Variants in SVEP1 observed in about 807,000 individuals in gnomAD.
SVEP1 encodes sushi, von Willebrand factor type A, EGF and pentraxin domain containing 1.
Under a neutral mutation model 367.3 loss-of-function variants are expected in SVEP1, and 164 were observed. That is an observed-to-expected ratio of 0.45 (90% CI 0.39 to 0.51). The LOEUF (loss-of-function observed/expected upper bound fraction) is 0.51. Ranked by LOEUF, SVEP1 falls within the 20% of genes least tolerant of loss-of-function variation. The pLI is 0.00. For synonymous variants in SVEP1, 1,666 were observed against 1,611.6 expected, an observed-to-expected ratio of 1.03 and a Z score of -0.81; for missense variants, 4,117 against 4,425.3, an observed-to-expected ratio of 0.93 and a Z score of 1.98.
At chr9:110,468,300 T>C (rs1021288799) in intron 17 of SVEP1, among the ~76,000 whole-genome samples, 5 of 152,192 alleles carry the variant, frequency 3.3e-5, no homozygotes, top group African/African-American at 1.2e-4. Context: ...ATAAATAAAA[T>C]TGCTTTCTGT....
chr9:110,519,672 C>G (rs1829853474), intron 3 of SVEP1, among the ~76,000 whole-genome samples: 1 of 152,166 alleles, frequency 6.6e-6, no homozygotes, highest in East Asian at 1.9e-4. Context: ...AGCTGGCAGT[C>G]ACTCAATCAA....
intron 40 of SVEP1, among the ~76,000 whole-genome samples, chr9:110,389,978 T>TATATGAATCA (rs1554710662): frequency 6.8e-6 from 1 of 147,092 alleles, no homozygotes; most frequent in East Asian, 2.0e-4. Context: ...AGAGTACTAT[T>TATATGAATCA]TGGCCATAAA....
chr9:110,476,393 C>A, intron 13 of SVEP1, 78 bp from the exon 14 acceptor site: 1 of 1,051,778 alleles, frequency 9.5e-7, no homozygotes, highest in African/African-American at 1.6e-5. Flanking sequence ...CTCCCCTGGC[C>A]TTCACGTCTC....
intron 31 of SVEP1, among the ~76,000 whole-genome samples, 177 bp downstream of exon 31, chr9:110,432,285 T>C (rs1205325528): frequency 6.6e-6 from 1 of 152,106 alleles, no homozygotes; most frequent in Non-Finnish European, 1.5e-5. Flanking sequence ...CTGATAAAAA[T>C]TTAAAACATT....
At chr9:110,416,662 A>G (rs1828125575) in intron 36 of SVEP1, among the ~76,000 whole-genome samples, 1 of 152,102 alleles carries the variant, frequency 6.6e-6, no homozygotes, top group Non-Finnish European at 1.5e-5. Flanking sequence ...TAAGAAGTAC[A>G]ATGAGTCCCA....
intron 4 of SVEP1, 27 bp downstream of exon 4, chr9:110,513,921 C>G (rs1277881802): frequency 1.9e-6 from 3 of 1,595,472 alleles, no homozygotes; most frequent in Non-Finnish European, 2.6e-6. Flanking sequence ...TTTTATATTT[C>G]CCATTTTCCA....
intron 45 of SVEP1, among the ~76,000 whole-genome samples, chr9:110,376,653 A>G (rs1827354774): frequency 6.6e-6 from 1 of 152,190 alleles, no homozygotes; most frequent in South Asian, 2.1e-4. Context: ...TGAAATATGA[A>G]ACCATTTTAT....
chr9:110,546,147 T>A lies in SVEP1; in HGVS notation c.932A>T (p.Tyr311Phe), dbSNP rs1366400784. ...TTCATACTGCAGACCTTTCCCGTAATACCCCTTTTCACAGATGCACTCAAA... is the reference window on the plus strand; with the variant it reads ...TTCATACTGCAGACCTTTCCCGTAAAACCCCTTTTCACAGATGCACTCAAA... ...GHFECICEKG[Y>F]YGKGLQYECT... Residue 311 changes from tyrosine (Y) to phenylalanine (F), a missense_variant, in exon 3 of 48, where the codon TAT becomes TTT. Physicochemically the swap from Tyr to Phe is conservative, Grantham distance 22. Transcript: ENST00000374469. 3 of 1,553,170 alleles carry A rather than the reference T, an allele frequency of 1.9e-6. No individual in the cohort carries two copies. Among genetic ancestry groups the A allele is most frequent in the Non-Finnish European group, 2.6e-6 (3 of 1,147,586 alleles).
intron 13 of SVEP1, 35 bp from the exon 14 acceptor site, chr9:110,476,350 T>C (rs1829096519): frequency 4.0e-6 from 6 of 1,489,076 alleles, no homozygotes; most frequent in Non-Finnish European, 5.6e-6. Context: ...AAAGTGTAAA[T>C]CACTTTTCTG....
At chr9:110,430,086 C>G (rs1293646393) in intron 33 of SVEP1, 82 bp from the exon 34 acceptor site, 2 of 1,333,370 alleles carry the variant, frequency 1.5e-6, no homozygotes, top group Non-Finnish European at 1.0e-6. Flanking sequence ...AGCTCAAGAT[C>G]TTTTTTTGTT....
intron 17 of SVEP1, among the ~76,000 whole-genome samples, chr9:110,467,728 C>T (rs546561423): frequency 1.3e-5 from 2 of 151,684 alleles, no homozygotes; most frequent in African/African-American, 2.4e-5. Context: ...CTCCACCTCC[C>T]GGGCTCAAGC....
intron 36 of SVEP1, among the ~76,000 whole-genome samples, chr9:110,414,993 G>A (rs1189435734): frequency 6.6e-6 from 1 of 151,936 alleles, no homozygotes; most frequent in Non-Finnish European, 1.5e-5. Context: ...TTCTCACCAA[G>A]GAGTATAAAC....
rs1204774295 is a variant in SVEP1 at position 110,404,411 on chromosome 9, C to T, written c.9582G>A (p.Gly3194=). ...CTTGCCTATTCACACTGAAATCGTCCCCATGTACAAGTATATGTGTTATGT... is the reference window on the plus strand; with the variant it reads ...CTTGCCTATTCACACTGAAATCGTCTCCATGTACAAGTATATGTGTTATGT... ...PENITHILVH[G]DDFSVNRQVS... Residue 3194 remains glycine, a synonymous_variant, in exon 39 of 48, where the codon GGG becomes GGA. Transcript: ENST00000374469. 6.2e-7 allele frequency: 1 copy of T among 1,613,920 alleles called. No individual in the cohort carries two copies. The highest frequency in any genetic ancestry group is 8.5e-7 in the Non-Finnish European group (1 of 1,179,872).
chr9:110,396,183 T>G (rs1225528207), intron 40 of SVEP1, among the ~76,000 whole-genome samples: 51 of 152,036 alleles, frequency 3.4e-4, no homozygotes, highest in East Asian at 1.4e-3. Context: ...TAGAACTCAG[T>G]ATTAAGAAAC....
At chr9:110,374,441 G>A (rs1006013555) in intron 46 of SVEP1, among the ~76,000 whole-genome samples, 1 of 152,180 alleles carries the variant, frequency 6.6e-6, no homozygotes, top group African/African-American at 2.4e-5. Flanking sequence ...CTTGAGGTCA[G>A]GAGTTCAAGA....
At chr9:110,402,753 C>T (rs1827883232) in intron 39 of SVEP1, among the ~76,000 whole-genome samples, 1 of 152,118 alleles carries the variant, frequency 6.6e-6, no homozygotes, top group Non-Finnish European at 1.5e-5. Context: ...GACAAAGTTT[C>T]CTCTAAAACT....
At chr9:110,572,699 T>TA (rs1830578557) in intron 1 of SVEP1, among the ~76,000 whole-genome samples, 1 of 138,494 alleles carries the variant, frequency 7.2e-6, no homozygotes, top group South Asian at 2.2e-4. Context: ...TTGTCTCTAC[T>TA]AAAAATACAA....
At chr9:110,476,672 T>C (rs182230015) in intron 13 of SVEP1, among the ~76,000 whole-genome samples, 1 of 152,274 alleles carries the variant, frequency 6.6e-6, no homozygotes, top group Admixed American at 6.5e-5. Context: ...CTCTATGCCC[T>C]CTGAAGCTCA....
At chr9:110,490,584 C>T (rs1359255103) in intron 8 of SVEP1, among the ~76,000 whole-genome samples, 1 of 151,982 alleles carries the variant, frequency 6.6e-6, no homozygotes, top group Admixed American at 6.6e-5. Context: ...TCTTTCTGTG[C>T]TTGGCTTATT....
Sources: allele counts gnomAD v4.1 joint callset (sites outside exome capture counted in the v4.1 genomes callset), GRCh38; gene constraint gnomAD v4.1.1; transcripts MANE v1.5; gene names NCBI Gene and HGNC (gene_info 2026-07-23, HGNC 2026-07-21).